Variants in UNC13B observed in about 807,000 individuals in gnomAD.
UNC13B encodes the protein unc-13 homolog B, also known as protein unc-13 homolog B.
UNC13B carries 144 observed loss-of-function variants against 211.0 expected under a neutral mutation model. The ratio of observed to expected loss-of-function variants is 0.68; its 90% confidence interval spans 0.60 to 0.78. The LOEUF is 0.78. Ranked by LOEUF, UNC13B falls within the 30% of genes least tolerant of loss-of-function variation. UNC13B has a pLI of 0.00. For synonymous variants in UNC13B, 709 were observed against 725.8 expected, an observed-to-expected ratio of 0.98 and a Z score of 0.37; for missense variants, 1,777 against 2,002.0, an observed-to-expected ratio of 0.89 and a Z score of 2.14.
At chr9:35,398,353 C>T in intron 31 of UNC13B, 65 bp downstream of exon 31, 1 of 1,539,046 alleles carries the variant, frequency 6.5e-7, no homozygotes, top group Non-Finnish European at 8.9e-7. Context: ...GGCCATAGAA[C>T]TCCACCCTCT....
chr9:35,297,290 T>C (rs1251819310), intron 8 of UNC13B, among the ~76,000 whole-genome samples: 1 of 151,714 alleles, frequency 6.6e-6, no homozygotes, highest in Non-Finnish European at 1.5e-5. Flanking sequence ...GGTTTCATCA[T>C]GTTGGTCAAG....
chr9:35,190,125 TC>T (rs1325702741), intron 1 of UNC13B, among the ~76,000 whole-genome samples: 1 of 152,122 alleles, frequency 6.6e-6, no homozygotes, highest in Non-Finnish European at 1.5e-5. Context: ...GGATCTTGGA[TC>T]CCCCAAAGGT....
intron 13 of UNC13B, 147 bp from the exon 14 acceptor site, chr9:35,374,978 CCT>C (rs1834302148): frequency 1.3e-6 from 1 of 779,714 alleles, no homozygotes; most frequent in African/African-American, 1.7e-5. Flanking sequence ...ACACTTGTCA[CCT>C]GTTAGGGCGG....
At chr9:35,388,225 T>A (rs536491248) in intron 24 of UNC13B, among the ~76,000 whole-genome samples, 1 of 152,136 alleles carries the variant, frequency 6.6e-6, no homozygotes, top group Non-Finnish European at 1.5e-5. Context: ...CTGGCCAATA[T>A]GGTGAAACCC....
At chr9:35,293,254 A>G (rs1318037957) in intron 7 of UNC13B, among the ~76,000 whole-genome samples, 1 of 152,056 alleles carries the variant, frequency 6.6e-6, no homozygotes, top group Non-Finnish European at 1.5e-5. Context: ...CCTTTAGTAA[A>G]GTTGTAGAGT....
At position 35,397,211 on chromosome 9, in the gene UNC13B, G is replaced by A; in HGVS notation, c.11577G>A (p.Val3859=). 1.9e-6 allele frequency: 3 copies of A among 1,614,138 alleles called. No individual in the cohort carries two copies. The highest frequency in any genetic ancestry group is 2.5e-6 in the Non-Finnish European group (3 of 1,180,026). Residue 3859 remains valine (V), a synonymous_variant, in exon 29 of 40, where the codon GTG becomes GTA. Transcript: ENST00000635942. ...SEHALFSCSV[V]DVFTQLNQSF... is the part of the protein sequence containing the mutation. ...ATGCACTCTTTTCCTGCTCTGTGGT[G>A]GATGTCTTCACACAACTCAATCAGA...
chr9:35,327,765 T>C (rs1374355665), intron 11 of UNC13B, among the ~76,000 whole-genome samples: 3 of 152,290 alleles, frequency 2.0e-5, no homozygotes, highest in African/African-American at 7.2e-5. Context: ...TTACCGTCAA[T>C]GAAAGCATGT....
chr9:35,201,586 T>G (rs2131377226), intron 1 of UNC13B, among the ~76,000 whole-genome samples: 1 of 152,336 alleles, frequency 6.6e-6, no homozygotes, highest in South Asian at 2.1e-4. Flanking sequence ...GTCGAGGAAT[T>G]TATCCTTTTC....
At chr9:35,201,503 C>T (rs1332909367) in intron 1 of UNC13B, among the ~76,000 whole-genome samples, 1 of 152,182 alleles carries the variant, frequency 6.6e-6, no homozygotes, top group Non-Finnish European at 1.5e-5. Flanking sequence ...ATTAGTGCCT[C>T]AATTTCAGAG....
chr9:35,271,582 T>TA (rs1372427906), intron 7 of UNC13B, among the ~76,000 whole-genome samples: 1 of 152,214 alleles, frequency 6.6e-6, no homozygotes, highest in African/African-American at 2.4e-5. Flanking sequence ...TTTCCAAACA[T>TA]ACCTAAAGTT....
At chr9:35,318,239 C>T (rs566687773) in intron 11 of UNC13B, among the ~76,000 whole-genome samples, 2 of 152,228 alleles carry the variant, frequency 1.3e-5, no homozygotes, top group South Asian at 4.1e-4. Flanking sequence ...AAGAGGAGAA[C>T]AAGAAGCCAG....
intron 11 of UNC13B, among the ~76,000 whole-genome samples, chr9:35,341,431 C>G (rs775026550): frequency 6.6e-6 from 1 of 152,164 alleles, no homozygotes. Context: ...TATATATACA[C>G]GAAACCAACC....
intron 10 of UNC13B, 119 bp downstream of exon 10, chr9:35,310,900 C>A (rs1830153911): frequency 1.1e-6 from 1 of 903,810 alleles, no homozygotes; most frequent in South Asian, 1.7e-5. Context: ...GTAGTTAACA[C>A]CTCCAGGCTC....
chr9:35,389,510 G>T (rs1835390616), intron 24 of UNC13B, among the ~76,000 whole-genome samples: 1 of 152,210 alleles, frequency 6.6e-6, no homozygotes, highest in Admixed American at 6.5e-5. Context: ...GACCTATTTA[G>T]TAAGGCTGGA....
intron 6 of UNC13B, among the ~76,000 whole-genome samples, chr9:35,251,601 A>G (rs1659355081): frequency 6.6e-6 from 1 of 152,066 alleles, no homozygotes; most frequent in South Asian, 2.1e-4. Flanking sequence ...ACAAAAAACA[A>G]TCCTAGGTAT....
In UNC13B at chr9:35,364,197, T is replaced by C. The variant is rs1198844522; in HGVS notation, c.9415-2750T>C. The stretch of plus-strand genomic sequence containing the variant: ...CTTAGATAGTCTGTTGGAGTGGTCA[T>C]TGGTAACAAATCTGGTCTTGCAACC... On this transcript the variant is annotated intron_variant, in intron 11 of 39. Transcript: ENST00000635942. 2.3e-5 allele frequency among the ~76,000 whole-genome samples: 3 copies of C among 130,984 alleles called. 1 individual carries two copies. The highest frequency in any genetic ancestry group is 1.4e-4 in the African/African-American group (3 of 21,794). 85.9% of individuals were successfully genotyped at this position (130,984 alleles called of 152,430 possible). A position where few individuals can be genotyped will look rare whatever the true frequency, so the allele number is the denominator to read the frequency against.
In UNC13B at chr9:35,342,107, G is replaced by A. The variant is rs1038004177; in HGVS notation, c.9415-24840G>A. On this transcript the variant is annotated intron_variant, in intron 11 of 39. Transcript: ENST00000635942. ...TTGTTTCTGTCATCAACTTTGTGCC[G>A]TGGAGCCAGCCAGCTGGGTGCAACT... The A allele has an allele frequency of 2.8e-5, 28 of 985,386 alleles. No individual in the cohort carries two copies. The South Asian group carries it at 3.8e-4, about 13-fold the overall frequency. The allele number at this position is 985,386 out of a possible 1,614,324, so 61.0% of individuals were successfully genotyped here. A position where few individuals can be genotyped will look rare whatever the true frequency, so the allele number is the denominator to read the frequency against.
chr9:35,323,294 A>G (rs1830834551), intron 11 of UNC13B, among the ~76,000 whole-genome samples: 1 of 152,158 alleles, frequency 6.6e-6, no homozygotes, highest in African/African-American at 2.4e-5. Flanking sequence ...GTTAGTATAA[A>G]TAGGGCTACT....
At chr9:35,283,905 G>T (rs1828643946) in intron 7 of UNC13B, among the ~76,000 whole-genome samples, 1 of 152,228 alleles carries the variant, frequency 6.6e-6, no homozygotes, top group African/African-American at 2.4e-5. Context: ...GTTTTGCTGG[G>T]TCCTGGGAAT....
Sources: allele counts gnomAD v4.1 joint callset (sites outside exome capture counted in the v4.1 genomes callset), GRCh38; gene constraint gnomAD v4.1.1; transcripts MANE v1.5; gene names NCBI Gene and HGNC (gene_info 2026-07-23, HGNC 2026-07-21).